The following SORCS1 variants were observed in gnomAD, a reference collection of about 807,000 sequenced individuals.
The protein encoded by SORCS1 is VPS10 domain-containing receptor SorCS1.
SORCS1 carries 60 observed loss-of-function variants against 146.1 expected under a neutral mutation model. That is an observed-to-expected ratio of 0.41 (90% CI 0.33 to 0.51). The LOEUF (loss-of-function observed/expected upper bound fraction) is 0.51, where lower values mean the gene tolerates loss of function less well. Among genes scored for constraint, SORCS1 ranks in the 20% least tolerant of loss-of-function variants. SORCS1 has a pLI of 0.21. For missense variants in SORCS1, 1,352 were observed against 1,487.6 expected (o/e 0.91, Z 1.50); for synonymous variants, 637 against 584.0 (o/e 1.09, Z -1.31).
intron 1 of SORCS1, among the ~76,000 whole-genome samples, chr10:107,083,911 G>A (rs930839876): frequency 1.3e-5 from 2 of 152,054 alleles, no homozygotes; most frequent in Non-Finnish European, 2.9e-5. Flanking sequence ...TGCTGTTAAG[G>A]TGAAATGTAT....
intron 2 of SORCS1, among the ~76,000 whole-genome samples, chr10:106,906,305 GGATTTGCCATGTTGGCCAGGC>G (rs919331873): frequency 1.3e-5 from 2 of 152,122 alleles, no homozygotes; most frequent in Non-Finnish European, 2.9e-5. Context: ...CGAAGAGACA[GGATTTGCCATGTTGGCCAGGC>G]TGGTCTTGAA....
chr10:107,027,077 T>C (rs1181330463), intron 1 of SORCS1, among the ~76,000 whole-genome samples: 1 of 142,372 alleles, frequency 7.0e-6, no homozygotes, highest in African/African-American at 2.8e-5. Flanking sequence ...ATATATCAGA[T>C]ATACATATAT....
chr10:106,958,155 C>T (rs1039187499), intron 1 of SORCS1, among the ~76,000 whole-genome samples: 1 of 152,216 alleles, frequency 6.6e-6, no homozygotes, highest in African/African-American at 2.4e-5. Context: ...GTGTGTGTTC[C>T]TAACCACTGA....
intron 2 of SORCS1, among the ~76,000 whole-genome samples, chr10:106,877,755 T>A (rs1352423261): frequency 2.0e-5 from 3 of 152,092 alleles, no homozygotes; most frequent in African/African-American, 7.2e-5. Flanking sequence ...TACAGATGAA[T>A]CACCTTTGAA....
Position 107,164,643 on chromosome 10 carries a change from C to A in SORCS1, c.-117G>T. On this transcript the variant is annotated 5_prime_UTR_variant, in exon 1 of 26. Coordinates refer to ENST00000263054, the MANE Select transcript of SORCS1 (RefSeq NM_052918.5). This position sits in a 1 kb window ranked among gnomAD's most constrained non-coding sequence, Gnocchi z 6.8. ...GACCCCAACTCCATCCAAGTTGCGC[C>A]GCGGTGGGGGCGGGCGGAGGCGGCG... 2.5e-5 allele frequency: 21 copies of A among 850,920 alleles called. No homozygotes were observed. Among genetic ancestry groups the A allele is most frequent in the East Asian group, 3.4e-5 (1 of 29,468 alleles). 52.7% of individuals were successfully genotyped at this position (850,920 alleles called of 1,614,324 possible).
chr10:106,913,141 A>G (rs1952246675), intron 2 of SORCS1, among the ~76,000 whole-genome samples: 1 of 151,782 alleles, frequency 6.6e-6, no homozygotes, highest in African/African-American at 2.4e-5. Context: ...GTCATTTCCT[A>G]AACAAACTCC....
chr10:107,167,839 CAGAT>C (rs1970088525), upstream of SORCS1, among the ~76,000 whole-genome samples: 1 of 151,558 alleles, frequency 6.6e-6, no homozygotes, highest in Non-Finnish European at 1.5e-5. Context: ...GAGACAGAAG[CAGAT>C]AGAGAAAGAA....
intron 1 of SORCS1, among the ~76,000 whole-genome samples, chr10:107,109,315 C>T (rs185615821): frequency 3.9e-5 from 6 of 152,336 alleles, no homozygotes; most frequent in African/African-American, 1.4e-4. Context: ...TACCTGGGCA[C>T]CTAGGCTTTC....
the SORCS1 span, among the ~76,000 whole-genome samples, chr10:107,178,015 G>A: frequency 6.6e-6 from 1 of 152,028 alleles, no homozygotes. Context: ...ATTGGGGGTG[G>A]GAGGAAGGAG....
Position 107,107,694 on chromosome 10 carries a change from G to T in SORCS1, c.558+56275C>A, listed in dbSNP as rs192996578. 6.0e-4 allele frequency among the ~76,000 whole-genome samples: 91 copies of T among 152,308 alleles called. 1 individual carries two copies. The highest frequency in any genetic ancestry group is 5.9e-3 in the Admixed American group (91 of 15,302). ...TAATTTAGGAGGTTGTGAAATTCCAGGGGAGCCCGATATTCAGTAGGGCCA... is the reference window on the plus strand; with the variant it reads ...TAATTTAGGAGGTTGTGAAATTCCATGGGAGCCCGATATTCAGTAGGGCCA... On this transcript the variant is annotated intron_variant, in intron 1 of 25. Coordinates refer to ENST00000263054, the MANE Select transcript of SORCS1 (RefSeq NM_052918.5).
At chr10:107,080,463 T>C (rs1216196890) in intron 1 of SORCS1, among the ~76,000 whole-genome samples, 3 of 152,234 alleles carry the variant, frequency 2.0e-5, no homozygotes, top group African/African-American at 7.2e-5. Flanking sequence ...AAAAAAATCT[T>C]GTACTTTACT....
In SORCS1 at chr10:106,926,875, AGAGAGAG is replaced by A. The variant is rs1564818644; in HGVS notation, c.626+29631_626+29637del. Among the ~76,000 whole-genome samples the A allele has an allele frequency of 4.3e-4, 55 of 127,204 alleles. No individual in the cohort carries two copies. In the South Asian group the frequency reaches 0.012, roughly 28 times the overall value. 83.5% of individuals were successfully genotyped at this position (127,204 alleles called of 152,430 possible). On this transcript the variant is annotated intron_variant, in intron 2 of 25. Transcript: ENST00000263054. ...CACACACACACACACACAGAGAGAG[AGAGAGAG>A]AGAGAGAGAGAGAGAGAATGACAAA...
In SORCS1 at chr10:106,960,989, T is replaced by G. The variant is rs1005065525; in HGVS notation, c.559-4409A>C. Among the ~76,000 whole-genome samples the G allele has an allele frequency of 2.0e-5, 3 of 152,196 alleles. No individual in the cohort carries two copies. Among genetic ancestry groups the G allele is most frequent in the Non-Finnish European group, 2.9e-5 (2 of 68,032 alleles). The stretch of plus-strand genomic sequence containing the variant: ...CCCTCACTCCTTCTGGATAGGGAGT[T>G]GAGAAACCATCACAAAGGACTCTGT... On this transcript the variant is annotated intron_variant, in intron 1 of 25. Transcript: ENST00000263054. This position sits in a 1 kb window ranked among gnomAD's most constrained non-coding sequence, Gnocchi z 4.4.
chr10:106,928,471 C>A (rs1266760427), intron 2 of SORCS1, among the ~76,000 whole-genome samples: 1 of 152,258 alleles, frequency 6.6e-6, no homozygotes, highest in Non-Finnish European at 1.5e-5. Context: ...CCGCTCACGC[C>A]TCTCCCTCCA....
At chr10:106,629,507 C>T (rs923843975) in intron 18 of SORCS1, 119 bp from the exon 19 acceptor site, 8 of 927,934 alleles carry the variant, frequency 8.6e-6, no homozygotes, top group Admixed American at 2.5e-5. Context: ...CCCTGGCTCA[C>T]TCCTACAGCT....
chr10:106,925,540 G>C (rs1210731298), intron 2 of SORCS1, among the ~76,000 whole-genome samples: 1 of 152,142 alleles, frequency 6.6e-6, no homozygotes, highest in African/African-American at 2.4e-5. Context: ...CCAAGACAAA[G>C]TCAGATTGAG....
At chr10:107,033,461 A>C (rs1039224168) in intron 1 of SORCS1, among the ~76,000 whole-genome samples, 1 of 152,206 alleles carries the variant, frequency 6.6e-6, no homozygotes, top group African/African-American at 2.4e-5. Flanking sequence ...AAACACAATA[A>C]ATAGTATGAT....
chr10:106,989,250 T>G (rs575363764), intron 1 of SORCS1, among the ~76,000 whole-genome samples: 1 of 123,066 alleles, frequency 8.1e-6, no homozygotes, highest in Admixed American at 1.1e-4. Context: ...AGCCTGGGTG[T>G]CAGTGAAAGG....
At chr10:106,872,910 C>T (rs1019904985) in intron 2 of SORCS1, among the ~76,000 whole-genome samples, 4 of 152,006 alleles carry the variant, frequency 2.6e-5, no homozygotes, top group Non-Finnish European at 4.4e-5. Flanking sequence ...TGTGGTGGCT[C>T]ACACGTGTAA....
Sources: allele counts gnomAD v4.1 joint callset (sites outside exome capture counted in the v4.1 genomes callset), GRCh38; gene constraint gnomAD v4.1.1; non-coding constraint Gnocchi (gnomAD v3.1); transcripts MANE v1.5; gene names NCBI Gene and HGNC (gene_info 2026-07-23, HGNC 2026-07-21).